Variants in SNX5 observed in about 807,000 individuals in gnomAD.
SNX5 encodes the protein sorting nexin-5.
SNX5 carries 31 observed loss-of-function variants against 53.9 expected under a neutral mutation model. The ratio of observed to expected loss-of-function variants is 0.58; its 90% CI spans 0.43 to 0.78. The LOEUF (loss-of-function observed/expected upper bound fraction) is 0.78. Ranked by LOEUF, SNX5 falls within the 30% of genes least tolerant of loss-of-function variation. SNX5 has a pLI of 0.00. For missense variants in SNX5, 471 were observed against 478.8 expected (o/e 0.98, Z 0.15); for synonymous variants, 168 against 171.1 (o/e 0.98, Z 0.14).
chr20:17,957,135 C>G, intron 1 of SNX5, 98 bp from the exon 2 acceptor site: 1 of 760,224 alleles, frequency 1.3e-6, no homozygotes, highest in Non-Finnish European at 2.4e-6. Flanking sequence ...ATACATAGAT[C>G]ATTTAGAAAT....
chr20:17,961,489 G>A (rs1198334857), intron 1 of SNX5: 1 of 985,262 alleles, frequency 1.0e-6, no homozygotes, highest in Non-Finnish European at 1.2e-6. Flanking sequence ...CTGTTAGATT[G>A]GGGCTAGTTG....
At chr20:17,955,333 A>G (rs41276406) in intron 3 of SNX5, 32 bp downstream of exon 3, 59,301 of 1,496,350 alleles carry the variant, frequency 0.04, 1,504 homozygotes, top group South Asian at 0.075. Flanking sequence ...AGGCAGAAAG[A>G]ACTAGCTTAT....
rs151018697 is a variant in SNX5, at chr20:17,968,770, C to T, written c.-345G>A. 602 of 333,864 alleles carry T rather than the reference C, an allele frequency of 1.8e-3. 2 individuals carry two copies. Among genetic ancestry groups the T allele is most frequent in the Non-Finnish European group, 2.9e-3 (524 of 180,044 alleles). 20.7% of individuals were successfully genotyped at this position (333,864 alleles called of 1,614,324 possible). ...ACGGACGGGAAGCAACGGACACTCT[C>T]CCAGCAAGACGCGTCTAGAGAAAGA... On this transcript the variant is annotated 5_prime_UTR_variant, in exon 1 of 13. Transcript: ENST00000377759.
chr20:17,949,205 C>T, intron 8 of SNX5, 102 bp from the exon 9 acceptor site: 1 of 916,124 alleles, frequency 1.1e-6, no homozygotes, highest in East Asian at 2.4e-5. Flanking sequence ...GGAGTCCTAG[C>T]CTTTGGTACT....
chr20:17,960,702 G>A (rs779516160), intron 1 of SNX5, among the ~76,000 whole-genome samples: 2 of 151,500 alleles, frequency 1.3e-5, no homozygotes, highest in African/African-American at 4.9e-5. Context: ...GCTTGAACTC[G>A]GGAGGAGGAG....
At chr20:17,946,136 A>T (rs903170774) in intron 11 of SNX5, among the ~76,000 whole-genome samples, 1 of 152,184 alleles carries the variant, frequency 6.6e-6, no homozygotes, top group African/African-American at 2.4e-5. Flanking sequence ...CTGCTCTAAG[A>T]GGTGAAATGG....
At chr20:17,943,366 C>T in intron 11 of SNX5, 171 bp from the exon 12 acceptor site, 1 of 595,442 alleles carries the variant, frequency 1.7e-6, no homozygotes, top group South Asian at 1.9e-5. Flanking sequence ...CATCTATTAA[C>T]TGTGGTGATA....
At chr20:17,953,246 C>T (rs1213088955) in intron 4 of SNX5, among the ~76,000 whole-genome samples, 2 of 152,096 alleles carry the variant, frequency 1.3e-5, no homozygotes, top group Non-Finnish European at 2.9e-5. Context: ...GGTTTGAGTG[C>T]TGCCCTAGAT....
At chr20:17,947,986 A>G (rs1219448425) in intron 10 of SNX5, among the ~76,000 whole-genome samples, 1 of 152,258 alleles carries the variant, frequency 6.6e-6, no homozygotes, top group Non-Finnish European at 1.5e-5. Context: ...TGGGTAAGTC[A>G]AGTTGAGCGC....
chr20:17,946,399 G>C (rs1390403090), intron 11 of SNX5, among the ~76,000 whole-genome samples: 1 of 152,184 alleles, frequency 6.6e-6, no homozygotes. Context: ...AGTAAGATTA[G>C]CATGGCCTAT....
intron 1 of SNX5, chr20:17,961,441 G>A (rs1170986850): frequency 2.0e-6 from 2 of 985,376 alleles, no homozygotes; most frequent in East Asian, 1.1e-4. Context: ...AAATGAAAAA[G>A]ACACAGTCCA....
At chr20:17,954,294 G>A (rs2035317111) in intron 3 of SNX5, 177 bp from the exon 4 acceptor site, 2 of 954,870 alleles carry the variant, frequency 2.1e-6, no homozygotes, top group African/African-American at 1.7e-5. Context: ...CATTTAAAAT[G>A]AGGTGTCTTC....
In SNX5 at chr20:17,950,277, T is replaced by C; in HGVS notation, c.715+14A>G. On this transcript the variant is annotated intron_variant, in intron 7 of 12. Transcript: ENST00000377759. Reference sequence around the variant, plus strand: ...TCATCAGCAAAGCTCTGACTAGCGGTAAATGATATTTACTTTTATGAGATC... The same window carrying C: ...TCATCAGCAAAGCTCTGACTAGCGGCAAATGATATTTACTTTTATGAGATC... 1.9e-6 allele frequency: 3 copies of C among 1,609,690 alleles called. No individual in the cohort carries two copies. In the East Asian group the frequency reaches 6.7e-5, roughly 36 times the overall value.
In SNX5 at chr20:17,959,238, A is replaced by C. The variant is rs562973318; in HGVS notation, c.52-2201T>G. The stretch of plus-strand genomic sequence containing the variant: ...GAGCTCATTTGTGCACCACAGTTAA[A>C]GCTGCAATGGATGCTACCAGCTGCT... On this transcript the variant is annotated intron_variant, in intron 1 of 12. Transcript: ENST00000377759. 4.6e-5 allele frequency among the ~76,000 whole-genome samples: 7 copies of C among 152,346 alleles called. No individual in the cohort carries two copies. In the East Asian group the frequency reaches 5.8e-4, roughly 13 times the overall value.
intron 5 of SNX5, among the ~76,000 whole-genome samples, chr20:17,951,838 T>G (rs1016368222): frequency 6.6e-6 from 1 of 152,256 alleles, no homozygotes. Flanking sequence ...TAAGTCTTAG[T>G]GGCTCTGAAA....
chr20:17,966,081 C>A (rs1395044008), intron 1 of SNX5, among the ~76,000 whole-genome samples: 2 of 152,006 alleles, frequency 1.3e-5, no homozygotes, highest in Non-Finnish European at 2.9e-5. Flanking sequence ...TATCATTCAC[C>A]AAAGTCCCTG....
chr20:17,964,021 G>C (rs1568598299), intron 1 of SNX5, among the ~76,000 whole-genome samples: 1 of 152,138 alleles, frequency 6.6e-6, no homozygotes, highest in Admixed American at 6.5e-5. Context: ...CCTGAGCTCA[G>C]GAGTTCGATA....
At chr20:17,964,286 C>T (rs1026169849) in intron 1 of SNX5, among the ~76,000 whole-genome samples, 1 of 152,088 alleles carries the variant, frequency 6.6e-6, no homozygotes, top group Non-Finnish European at 1.5e-5. Flanking sequence ...GACTAGAATG[C>T]TTAGGAGTGT....
At chr20:17,962,447 C>T (rs556659509) in intron 1 of SNX5, among the ~76,000 whole-genome samples, 4 of 152,184 alleles carry the variant, frequency 2.6e-5, no homozygotes, top group African/African-American at 7.2e-5. Flanking sequence ...TCGTGATCTG[C>T]CCGCCTCAGC....
Sources: allele counts gnomAD v4.1 joint callset (sites outside exome capture counted in the v4.1 genomes callset), GRCh38; gene constraint gnomAD v4.1.1; transcripts MANE v1.5; gene names NCBI Gene and HGNC (gene_info 2026-07-23, HGNC 2026-07-21).